SGCZ: variants seen among roughly 807,000 people sequenced by gnomAD.
SGCZ encodes the protein zeta-sarcoglycan.
A neutral mutation model predicts 41.3 loss-of-function variants in SGCZ; 40 were observed. That is an observed-to-expected ratio of 0.97 (90% confidence interval 0.75 to 1.26). The LOEUF is 1.26. SGCZ is among the 50% of genes most tolerant of loss of function. The probability of loss-of-function intolerance (pLI) is 0.00; values close to 1 mark genes in which losing one functional copy is unlikely to be tolerated. For missense variants in SGCZ, 552 were observed against 369.8 expected, an observed-to-expected ratio of 1.49 and a Z score of -4.04; for synonymous variants, 206 against 137.5, an observed-to-expected ratio of 1.50 and a Z score of -3.49.
At chr8:14,234,373 A>C (rs1045721318) in intron 4 of SGCZ, among the ~76,000 whole-genome samples, 1 of 152,062 alleles carries the variant, frequency 6.6e-6, no homozygotes, top group African/African-American at 2.4e-5. Flanking sequence ...AAGGTGGGGT[A>C]CAAGAGGAAT....
At chr8:14,565,471 G>A (rs914295485) in intron 1 of SGCZ, among the ~76,000 whole-genome samples, 5 of 151,980 alleles carry the variant, frequency 3.3e-5, no homozygotes, top group Non-Finnish European at 7.3e-5. Context: ...CTGCTCAGAG[G>A]TTATCAACAT....
At chr8:14,659,734 C>G (rs11203648) in intron 1 of SGCZ, among the ~76,000 whole-genome samples, 90,160 of 152,012 alleles carry the variant, frequency 0.59, 29,143 homozygotes, top group African/African-American at 0.84. Flanking sequence ...AGCAATAGTG[C>G]TGATATTGAT....
intron 3 of SGCZ, among the ~76,000 whole-genome samples, chr8:14,306,195 C>A (rs927931765): frequency 6.6e-6 from 1 of 152,124 alleles, no homozygotes; most frequent in Non-Finnish European, 1.5e-5. Context: ...CCATAACCAT[C>A]ATGACAACAA....
intron 1 of SGCZ, among the ~76,000 whole-genome samples, chr8:14,633,511 G>T (rs946157807): frequency 6.6e-6 from 1 of 151,424 alleles, no homozygotes; most frequent in African/African-American, 2.4e-5. Context: ...TTATTTATTA[G>T]CAAGCATTCC....
chr8:14,773,690 G>C (rs1433203435), intron 1 of SGCZ, among the ~76,000 whole-genome samples: 1 of 152,172 alleles, frequency 6.6e-6, no homozygotes, highest in Non-Finnish European at 1.5e-5. Context: ...AGCAAAGGGA[G>C]AAGATTAACA....
At chr8:14,452,464 C>T (rs1236408387) in intron 2 of SGCZ, among the ~76,000 whole-genome samples, 1 of 151,760 alleles carries the variant, frequency 6.6e-6, no homozygotes, top group Non-Finnish European at 1.5e-5. Context: ...GCCTGGGTGA[C>T]AGAGCAAGAC....
At chr8:14,572,468 T>C (rs1804583689) in intron 1 of SGCZ, among the ~76,000 whole-genome samples, 1 of 151,996 alleles carries the variant, frequency 6.6e-6, no homozygotes, top group South Asian at 2.1e-4. Context: ...TGCCCACAGG[T>C]GTTAACTCAT....
At chr8:14,216,603 G>T (rs1028780601) in intron 4 of SGCZ, among the ~76,000 whole-genome samples, 1 of 152,016 alleles carries the variant, frequency 6.6e-6, no homozygotes, top group Admixed American at 6.6e-5. Flanking sequence ...TGCCAGGGTG[G>T]TTCAACTTTC....
At chr8:15,090,934 G>A (rs908067447) in intron 1 of SGCZ, among the ~76,000 whole-genome samples, 1 of 152,192 alleles carries the variant, frequency 6.6e-6, no homozygotes, top group African/African-American at 2.4e-5. Flanking sequence ...AGGGTGACAA[G>A]TGACCTGGAT....
chr8:15,014,242 C>A (rs1802940060), intron 1 of SGCZ, among the ~76,000 whole-genome samples: 1 of 152,148 alleles, frequency 6.6e-6, no homozygotes, highest in Non-Finnish European at 1.5e-5. Flanking sequence ...AAAGAAATGG[C>A]TCAGCCATTC....
intron 1 of SGCZ, among the ~76,000 whole-genome samples, chr8:15,131,217 T>A (rs1807886032): frequency 6.6e-6 from 1 of 152,230 alleles, no homozygotes; most frequent in Non-Finnish European, 1.5e-5. Flanking sequence ...TCTCATGTGC[T>A]GTGGGAAGGG....
intron 3 of SGCZ, among the ~76,000 whole-genome samples, chr8:14,249,005 A>C (rs1230420436): frequency 6.6e-6 from 1 of 152,172 alleles, no homozygotes; most frequent in African/African-American, 2.4e-5. Context: ...AGTACCTGTG[A>C]TGGTTAGTTT....
At chr8:15,212,104 T>C (rs1033497058) in intron 1 of SGCZ, among the ~76,000 whole-genome samples, 8 of 152,260 alleles carry the variant, frequency 5.3e-5, no homozygotes, top group Admixed American at 5.2e-4. Flanking sequence ...ACACTGACTA[T>C]GGGATCTCAA....
At chr8:14,756,627 T>G (rs1257948754) in intron 1 of SGCZ, among the ~76,000 whole-genome samples, 2 of 152,188 alleles carry the variant, frequency 1.3e-5, no homozygotes, top group African/African-American at 4.8e-5. Flanking sequence ...ATAACAGGCG[T>G]GCTTCTAATT....
At chr8:14,906,360 A>T (rs184171663) in intron 1 of SGCZ, among the ~76,000 whole-genome samples, 155 of 152,260 alleles carry the variant, frequency 1.0e-3, no homozygotes, top group African/African-American at 3.6e-3. Context: ...TTAAACCAAT[A>T]CCTGCAAAGC....
rs1585057919 is a variant in SGCZ at position 14,536,354 on chromosome 8, G to T, written c.234+18378C>A. On this transcript the variant is annotated intron_variant, in intron 2 of 7. Transcript: ENST00000382080. Reference sequence around the variant, plus strand: ...GTCAGAAAAATGATCTGAAATCATTGATTTTATGATGACTTCTGTATCGCA... The same window carrying T: ...GTCAGAAAAATGATCTGAAATCATTTATTTTATGATGACTTCTGTATCGCA... 2.0e-5 allele frequency among the ~76,000 whole-genome samples: 3 copies of T among 151,878 alleles called. No homozygotes were observed. The South Asian group carries it at 6.2e-4, about 32-fold the overall frequency.
intron 1 of SGCZ, among the ~76,000 whole-genome samples, chr8:14,941,397 A>G (rs1800271359): frequency 6.6e-6 from 1 of 152,136 alleles, no homozygotes; most frequent in Non-Finnish European, 1.5e-5. Context: ...CGCCTCATTC[A>G]TACAGCGAAA....
chr8:14,237,790 A>G (rs1585264250), intron 3 of SGCZ, 111 bp from the exon 4 acceptor site: 1 of 886,172 alleles, frequency 1.1e-6, no homozygotes, highest in Non-Finnish European at 1.7e-6. Flanking sequence ...TGTTTGCTCT[A>G]TATTAGACAG....
At position 14,085,701 on chromosome 8, in the gene SGCZ, T is replaced by C. The variant is rs1286676659; in HGVS notation, c.*4742A>G. Reference sequence around the variant, plus strand: ...ATACGGTCTTTGCATATAGGTTTTATGAATACCAAGGAGTTTGTTATGCAT... The same window carrying C: ...ATACGGTCTTTGCATATAGGTTTTACGAATACCAAGGAGTTTGTTATGCAT... On this transcript the variant is annotated 3_prime_UTR_variant, in exon 8 of 8. Coordinates refer to ENST00000382080, the MANE Select transcript of SGCZ (RefSeq NM_139167.4). Among the ~76,000 whole-genome samples, 1 of 151,774 alleles carries C rather than the reference T, an allele frequency of 6.6e-6. No individual in the cohort carries two copies.
Sources: gnomAD v4.1 joint callset for allele counts (sites outside exome capture counted in the v4.1 genomes callset) on GRCh38, gnomAD v4.1.1 for gene constraint, MANE v1.5 for transcripts, NCBI Gene and HGNC (gene_info 2026-07-23, HGNC 2026-07-21) for gene names.